Variants in RAB9B observed in about 807,000 individuals in gnomAD.
RAB9B encodes ras-related protein Rab-9B.
In RAB9B, 1 loss-of-function variant was observed where a neutral mutation model predicts 8.9. That is an observed-to-expected ratio of 0.11 (90% CI 0.04 to 0.53). The LOEUF (loss-of-function observed/expected upper bound fraction) is 0.53, where lower values mean the gene tolerates loss of function less well. RAB9B is among the 20% of genes least tolerant of loss of function. The pLI is 0.93. For missense variants in RAB9B, 82 were observed against 152.9 expected (o/e 0.54, Z 2.45); for synonymous variants, 63 against 57.0 (o/e 1.10, Z -0.47).
chrX:103,823,608 G>C lies in RAB9B; in HGVS notation c.*1571C>G, dbSNP rs2074671835. ...TTTATCATAGATGTTTTAAAGTACAGATTAAAATCTATGCAGGGTAAACAG... is the reference window on the plus strand; with the variant it reads ...TTTATCATAGATGTTTTAAAGTACACATTAAAATCTATGCAGGGTAAACAG... On this transcript the variant is annotated 3_prime_UTR_variant, in exon 3 of 3. Transcript: ENST00000243298. 8.9e-6 allele frequency: 1 copy of C among 111,927 alleles called. No homozygotes were observed. Among genetic ancestry groups the C allele is most frequent in the South Asian group, 3.7e-4 (1 of 2,681 alleles). The allele number at this position is 111,927 out of a possible 1,213,427, so 9.2% of individuals were successfully genotyped here.
chrX:103,801,128 G>A, the RAB9B span, among the ~76,000 whole-genome samples: 3 of 111,380 alleles, frequency 2.7e-5, no homozygotes, highest in East Asian at 5.7e-4. Context: ...TGGGCTTACA[G>A]TGGAGTATGA....
chrX:103,808,796 G>A, the RAB9B span, among the ~76,000 whole-genome samples: 6 of 112,866 alleles, frequency 5.3e-5, no homozygotes, highest in Admixed American at 1.9e-4. Flanking sequence ...CTGGGCTTCG[G>A]GGATCCAGCT....
the RAB9B span, among the ~76,000 whole-genome samples, chrX:103,814,076 A>G: frequency 9.0e-6 from 1 of 111,429 alleles, no homozygotes; most frequent in Non-Finnish European, 1.9e-5. Flanking sequence ...TCAGCTCTGG[A>G]CCAAGCAGAC....
the RAB9B span, among the ~76,000 whole-genome samples, chrX:103,777,603 T>C: frequency 1.8e-5 from 2 of 112,005 alleles, no homozygotes; most frequent in Admixed American, 9.5e-5. Flanking sequence ...TGCATGTGTG[T>C]GCACATATAG....
chrX:103,791,428 T>G, the RAB9B span: 1 of 112,495 alleles, frequency 8.9e-6, no homozygotes, highest in African/African-American at 3.2e-5. Context: ...CTAGCTTACA[T>G]GAGAACAGAC....
chrX:103,832,251 G>A lies in RAB9B; in HGVS notation c.-308C>T, dbSNP rs2074707546. 9.1e-6 allele frequency: 1 copy of A among 110,308 alleles called. No homozygotes were observed. The highest frequency in any genetic ancestry group is 3.9e-4 in the South Asian group (1 of 2,579). The allele number at this position is 110,308 out of a possible 1,213,427, so 9.1% of individuals were successfully genotyped here. On this transcript the variant is annotated 5_prime_UTR_variant, in exon 1 of 3. Coordinates refer to ENST00000243298, the MANE Select transcript of RAB9B (RefSeq NM_016370.4). ...TCGCGCCCGCCGCTGCCGCCGCGCA[G>A]CGTCTCGAGCCCGCGCCCGCGCCCG... is the stretch of plus-strand genomic sequence containing the variant.
chrX:103,800,548 A>G, the RAB9B span, among the ~76,000 whole-genome samples: 2 of 111,887 alleles, frequency 1.8e-5, no homozygotes, highest in South Asian at 7.5e-4. Context: ...TCTAGAATTC[A>G]GAAAACCGTA....
At chrX:103,819,367 T>C (rs1449299848), downstream of RAB9B, among the ~76,000 whole-genome samples, 1 of 111,699 alleles carries the variant, frequency 9.0e-6, no homozygotes, top group African/African-American at 3.3e-5. Context: ...AAAATACACA[T>C]GCTTGCACAC....
chrX:103,778,081 A>G, the RAB9B span, among the ~76,000 whole-genome samples: 1 of 111,972 alleles, frequency 8.9e-6, no homozygotes, highest in Non-Finnish European at 1.9e-5. Context: ...AGCACTGGAC[A>G]GGGAGTCGGA....
chrX:103,790,005 A>T, the RAB9B span, among the ~76,000 whole-genome samples: 1 of 112,413 alleles, frequency 8.9e-6, no homozygotes, highest in African/African-American at 3.2e-5. Context: ...GAAGTGATTT[A>T]TCTGAAGTTA....
chrX:103,796,275 G>A, the RAB9B span, among the ~76,000 whole-genome samples: 1 of 111,830 alleles, frequency 8.9e-6, no homozygotes, highest in African/African-American at 3.2e-5. Flanking sequence ...GAGGTCAGGA[G>A]TTCAAGACCA....
the RAB9B span, chrX:103,786,616 G>T: frequency 8.3e-7 from 1 of 1,211,595 alleles, no homozygotes. Context: ...GGGCCTGAGC[G>T]CAACGGTAAC....
chrX:103,797,733 C>T, the RAB9B span, among the ~76,000 whole-genome samples: 1 of 111,019 alleles, frequency 9.0e-6, no homozygotes. Flanking sequence ...CCACTTGGCT[C>T]TATTTAAAAT....
chrX:103,807,866 C>T, the RAB9B span, among the ~76,000 whole-genome samples: 1 of 112,142 alleles, frequency 8.9e-6, no homozygotes, highest in Admixed American at 9.4e-5. Flanking sequence ...GTGGTCAAAC[C>T]CAGAGGCCTG....
downstream of RAB9B, among the ~76,000 whole-genome samples, chrX:103,821,014 A>ACACACACACACACACACACAC (rs2074658161): frequency 1.0e-5 from 1 of 98,764 alleles, no homozygotes; most frequent in Non-Finnish European, 2.0e-5. Context: ...ACACACACAC[A>ACACACACACACACACACACAC]AAGTTAGCTG....
the RAB9B span, chrX:103,788,328 C>A: frequency 1.6e-6 from 1 of 632,182 alleles, no homozygotes; most frequent in Non-Finnish European, 2.7e-6. Flanking sequence ...TAGAATCCAA[C>A]TTTACAGCCA....
the RAB9B span, chrX:103,786,118 T>A: frequency 9.2e-7 from 1 of 1,088,158 alleles, no homozygotes; most frequent in East Asian, 4.0e-5. Flanking sequence ...CTAGAACAAG[T>A]TAGGCTCCTG....
At position 103,824,528 on chromosome X, in the gene RAB9B, G is replaced by T. The variant is rs2074675628; in HGVS notation, c.*651C>A. ...TATCCTATGACTTCAAACACAAGAA[G>T]TATAATCAATTGCCAGTGTCATTAG... On this transcript the variant is annotated 3_prime_UTR_variant, in exon 3 of 3. Coordinates refer to ENST00000243298, the MANE Select transcript of RAB9B (RefSeq NM_016370.4). 1 of 112,187 alleles carries T rather than the reference G, an allele frequency of 8.9e-6. No individual in the cohort carries two copies. Among genetic ancestry groups the T allele is most frequent in the African/African-American group, 3.2e-5 (1 of 30,861 alleles). 9.2% of individuals were successfully genotyped at this position (112,187 alleles called of 1,213,427 possible).
the RAB9B span, among the ~76,000 whole-genome samples, chrX:103,798,105 A>G: frequency 8.9e-6 from 1 of 111,790 alleles, no homozygotes; most frequent in Non-Finnish European, 1.9e-5. Context: ...ATTTGTATAC[A>G]TATTAAAATT....
Sources: gnomAD v4.1 joint callset for allele counts (sites outside exome capture counted in the v4.1 genomes callset) on GRCh38, gnomAD v4.1.1 for gene constraint, MANE v1.5 for transcripts, NCBI Gene and HGNC (gene_info 2026-07-23, HGNC 2026-07-21) for gene names.